SYP: variants seen among roughly 807,000 people sequenced by gnomAD.
SYP encodes the protein synaptophysin, also known as major synaptic vesicle protein P38.
In SYP, 2 loss-of-function variants were observed where a neutral mutation model predicts 24.3. The ratio of observed to expected loss-of-function variants is 0.08; its 90% CI spans 0.03 to 0.26. SYP has a LOEUF of 0.26. Among genes scored for constraint, SYP ranks in the 10% least tolerant of loss-of-function variants. SYP has a pLI of 1.00. For missense variants in SYP, 216 were observed against 266.3 expected, an observed-to-expected ratio of 0.81 and a Z score of 1.32; for synonymous variants, 143 against 123.2, an observed-to-expected ratio of 1.16 and a Z score of -1.07.
rs888529856 is a variant in SYP, at chrX:49,191,593, G to A, written c.786C>T (p.Tyr262=). ...DAGYGQGPGG[Y]GPQDSYGPQG... ...GAGGCCCGTAGGAATCCTGGGGCCC[G>A]TACCCGCCGGGGCCCTGCCCGTAGC... Residue 262 remains tyrosine, a synonymous_variant, in exon 6 of 7, where the codon TAC becomes TAT. Transcript: ENST00000263233. The A allele has an allele frequency of 1.5e-5, 18 of 1,209,155 alleles. No homozygotes were observed. The highest frequency in any genetic ancestry group is 8.9e-5 in the East Asian group (3 of 33,792).
intron 5 of SYP, among the ~76,000 whole-genome samples, chrX:49,193,068 C>A (rs1417374622): frequency 4.4e-5 from 5 of 112,654 alleles, no homozygotes; most frequent in Non-Finnish European, 7.5e-5. Flanking sequence ...CCAAACCTGT[C>A]ATGTTCCCCC....
chrX:49,195,218 G>C (rs1372223420), intron 3 of SYP, among the ~76,000 whole-genome samples: 7 of 109,480 alleles, frequency 6.4e-5, no homozygotes, highest in Non-Finnish European at 1.3e-4. Context: ...ACTACAAGAG[G>C]GCAGGGCTTT....
In SYP at chrX:49,187,966, G is replaced by A. The variant is rs1378158285; in HGVS notation, c.*1321C>T. On this transcript the variant is annotated 3_prime_UTR_variant, in exon 7 of 7. Coordinates refer to ENST00000263233, the MANE Select transcript of SYP (RefSeq NM_003179.3). ...ACAGCCAGACAAAATGGCAACACAC[G>A]ATCACAGGCACTACTGACATCACAG... 9.0e-6 allele frequency: 1 copy of A among 111,101 alleles called. No individual in the cohort carries two copies. Among genetic ancestry groups the A allele is most frequent in the African/African-American group, 3.3e-5 (1 of 30,353 alleles). The allele number at this position is 111,101 out of a possible 1,213,427, so 9.2% of individuals were successfully genotyped here. A position where few individuals can be genotyped will look rare whatever the true frequency, so the allele number is the denominator to read the frequency against.
Position 49,188,488 on chromosome X carries a change from G to T in SYP, c.*799C>A, listed in dbSNP as rs1490003087. 1 of 110,896 alleles carries T rather than the reference G, an allele frequency of 9.0e-6. No homozygotes were observed. Among genetic ancestry groups the T allele is most frequent in the Non-Finnish European group, 1.9e-5 (1 of 52,959 alleles). 9.1% of individuals were successfully genotyped at this position (110,896 alleles called of 1,213,427 possible). On this transcript the variant is annotated 3_prime_UTR_variant, in exon 7 of 7. Transcript: ENST00000263233. ...GAATCCCACTTCTTGCCTTGCTCAA[G>T]ATCTGTCCCCTTTAGAATCAAGCTC...
chrX:49,194,252 A>G lies in SYP; in HGVS notation c.337T>C (p.Phe113Leu). The G allele has an allele frequency of 8.3e-7, 1 of 1,211,552 alleles. No individual in the cohort carries two copies. Among genetic ancestry groups the G allele is most frequent in the Non-Finnish European group, 1.1e-6 (1 of 895,436 alleles). Residue 113 changes from phenylalanine to leucine, a missense_variant, in exon 4 of 7, where the codon TTT becomes CTT. Coordinates refer to ENST00000263233, the MANE Select transcript of SYP (RefSeq NM_003179.3). ...SAEFFVTVAV[F>L]AFLYSMGALA... ...GCCCCCATGGAGTAGAGGAAGGCAAACACGGCCACGGTGACAAAGAATTCG... is the reference window on the plus strand; with the variant it reads ...GCCCCCATGGAGTAGAGGAAGGCAAGCACGGCCACGGTGACAAAGAATTCG...
At chrX:49,193,776 T>G (rs1275717553) in intron 4 of SYP, among the ~76,000 whole-genome samples, 1 of 112,389 alleles carries the variant, frequency 8.9e-6, no homozygotes, top group Non-Finnish European at 1.9e-5. Flanking sequence ...GTGGGAATTT[T>G]TGTCATTTTG....
At chrX:49,194,858 G>A (rs782772779) in intron 3 of SYP, among the ~76,000 whole-genome samples, 10 of 110,485 alleles carry the variant, frequency 9.1e-5, no homozygotes, top group Non-Finnish European at 1.7e-4. Flanking sequence ...ACAGGCATGC[G>A]CCGCTACGCC....
At chrX:49,189,446 C>T (rs1379539281) in intron 6 of SYP, among the ~76,000 whole-genome samples, 164 bp from the exon 7 acceptor site, 4 of 111,082 alleles carry the variant, frequency 3.6e-5, no homozygotes, top group Admixed American at 9.7e-5. Flanking sequence ...CCTGACCTTG[C>T]CCCCACTGGG....
At chrX:49,191,797 G>A (rs781849056) in intron 5 of SYP, 34 bp from the exon 6 acceptor site, 91 of 1,171,122 alleles carry the variant, frequency 7.8e-5, no homozygotes, top group Middle Eastern at 4.9e-4. Flanking sequence ...GTGGTACCCC[G>A]CCCATTGCCT....
chrX:49,189,825 G>A (rs2065500019), intron 6 of SYP, among the ~76,000 whole-genome samples: 1 of 111,496 alleles, frequency 9.0e-6, no homozygotes, highest in Non-Finnish European at 1.9e-5. Context: ...CCCAGCCTGC[G>A]ACAGGGCAGA....
chrX:49,195,317 G>A (rs782479350), intron 3 of SYP, among the ~76,000 whole-genome samples: 2 of 110,620 alleles, frequency 1.8e-5, no homozygotes, highest in South Asian at 7.7e-4. Flanking sequence ...CAAATGAAAT[G>A]TACAGAGGCG....
At position 49,195,463 on chromosome X, in the gene SYP, C is replaced by T. The variant is rs189838931; in HGVS notation, c.228-1102G>A. Among the ~76,000 whole-genome samples, 10 of 110,051 alleles carry T rather than the reference C, an allele frequency of 9.1e-5. No individual in the cohort carries two copies. The East Asian group carries it at 2.0e-3, about 22-fold the overall frequency. Reference sequence around the variant, plus strand: ...TCTCCCCCACCCCAGTTCAGGTCCCCGAGAGAAAAAAATGTATGCATAGCA... The same window carrying T: ...TCTCCCCCACCCCAGTTCAGGTCCCTGAGAGAAAAAAATGTATGCATAGCA... On this transcript the variant is annotated intron_variant, in intron 3 of 6. Transcript: ENST00000263233.
At chrX:49,191,804 G>T in intron 5 of SYP, 41 bp from the exon 6 acceptor site, 2 of 1,154,232 alleles carry the variant, frequency 1.7e-6, no homozygotes, top group Non-Finnish European at 2.3e-6. Context: ...CCCGCCCATT[G>T]CCTTGGCGGC....
rs1368083616 is a variant in SYP at position 49,198,999 on chromosome X, T to A, written c.71A>T (p.Glu24Val). 1 of 1,209,196 alleles carries A rather than the reference T, an allele frequency of 8.3e-7. No homozygotes were observed. The highest frequency in any genetic ancestry group is 1.8e-5 in the African/African-American group (1 of 56,874). ...CAGCACCTTCACAAAGCCGAGGGGC[T>A]CCTTGACCACCCGGAACTGACCCCC... ...VAGGQFRVVK[E>V]PLGFVKVLQW... Residue 24 changes from glutamate (E) to valine (V), a missense_variant, in exon 2 of 7, where the codon GAG becomes GTG. By Grantham distance (121) the Glu-to-Val change is moderately radical (BLOSUM62 -2). Transcript: ENST00000263233.
At chrX:49,196,106 A>AC (rs1369127133) in intron 3 of SYP, among the ~76,000 whole-genome samples, 1 of 110,884 alleles carries the variant, frequency 9.0e-6, no homozygotes, top group African/African-American at 3.3e-5. Flanking sequence ...GAGCCTTAGG[A>AC]CCCAAAGTTC....
At chrX:49,197,570 G>C (rs1164519689) in intron 3 of SYP, 145 bp downstream of exon 3, 1 of 867,461 alleles carries the variant, frequency 1.2e-6, no homozygotes, top group Non-Finnish European at 1.6e-6. Context: ...GCAGTGCCAG[G>C]TACAAGGCAG....
intron 6 of SYP, chrX:49,191,129 C>T (rs1602609544): frequency 4.0e-5 from 15 of 379,381 alleles, no homozygotes; most frequent in Non-Finnish European, 6.5e-5. Context: ...CCGATATTCC[C>T]TCCCTTTATT....
rs782494574 is a variant in SYP at position 49,193,449 on chromosome X, C to T, written c.438G>A (p.Thr146=). ...CTAGCCACATGAAGGCGAACACAGC[C>T]GTGGCCAGAAAGTCCTAAGGCAGGC... ...NKGPMLDFLA[T]AVFAFMWLVS... Residue 146 remains threonine (T), a synonymous_variant, in exon 5 of 7, where the codon ACG becomes ACA. Transcript: ENST00000263233. 2.4e-5 allele frequency: 29 copies of T among 1,210,947 alleles called. No homozygotes were observed. The highest frequency in any genetic ancestry group is 2.3e-4 in the Middle Eastern group (1 of 4,347).
At chrX:49,195,989 G>A (rs902466582) in intron 3 of SYP, among the ~76,000 whole-genome samples, 4 of 111,424 alleles carry the variant, frequency 3.6e-5, no homozygotes, top group Non-Finnish European at 5.7e-5. Flanking sequence ...AGGAGAGGGG[G>A]TCCCTAAGAG....
Sources: gnomAD v4.1 joint callset for allele counts (sites outside exome capture counted in the v4.1 genomes callset) on GRCh38, gnomAD v4.1.1 for gene constraint, MANE v1.5 for transcripts, NCBI Gene and HGNC (gene_info 2026-07-23, HGNC 2026-07-21) for gene names.